The following GBE1 variants were observed in gnomAD, a reference collection of about 807,000 sequenced individuals.
GBE1 encodes 1,4-alpha-glucan-branching enzyme.
GBE1 carries 70 observed loss-of-function variants against 88.8 expected under a neutral mutation model. The observed-to-expected ratio is 0.79, with a 90% CI of 0.65 to 0.96. The LOEUF is 0.96. Among genes scored for constraint, GBE1 ranks in the 40% least tolerant of loss-of-function variants. GBE1 has a pLI of 0.00. For missense variants in GBE1, 872 were observed against 871.0 expected, an observed-to-expected ratio of 1.00 and a Z score of -0.01; for synonymous variants, 284 against 300.1, an observed-to-expected ratio of 0.95 and a Z score of 0.56.
chr3:81,663,706 G>T (rs746588723), intron 3 of GBE1, among the ~76,000 whole-genome samples: 1 of 152,114 alleles, frequency 6.6e-6, no homozygotes, highest in African/African-American at 2.4e-5. Flanking sequence ...AAAAGCACAC[G>T]GTAGCACACG....
At chr3:81,621,656 A>G (rs768558762) in intron 7 of GBE1, among the ~76,000 whole-genome samples, 2 of 152,144 alleles carry the variant, frequency 1.3e-5, no homozygotes, top group African/African-American at 2.4e-5. Context: ...TAGAATTCTC[A>G]CGGTCTATTA....
intron 1 of GBE1, among the ~76,000 whole-genome samples, chr3:81,741,972 T>A (rs545261305): frequency 6.6e-6 from 1 of 151,422 alleles, no homozygotes; most frequent in Non-Finnish European, 1.5e-5. Flanking sequence ...TATAAAAAGA[T>A]ATTTCAAAAC....
intron 12 of GBE1, among the ~76,000 whole-genome samples, chr3:81,556,180 T>C (rs1057266712): frequency 6.6e-6 from 1 of 152,136 alleles, no homozygotes; most frequent in African/African-American, 2.4e-5. Flanking sequence ...AGAAGGAGAC[T>C]TAAAATAAAA....
intron 15 of GBE1, among the ~76,000 whole-genome samples, chr3:81,491,812 T>C (rs536916998): frequency 4.1e-4 from 63 of 152,322 alleles, no homozygotes; most frequent in African/African-American, 1.4e-3. Context: ...AATAGAACAG[T>C]TGATTTTCAC....
chr3:81,757,516 G>A (rs942205558), intron 1 of GBE1, among the ~76,000 whole-genome samples: 1 of 152,168 alleles, frequency 6.6e-6, no homozygotes, highest in African/African-American at 2.4e-5. Context: ...AGAGATGCTA[G>A]CAACCTGAAC....
intron 1 of GBE1, among the ~76,000 whole-genome samples, chr3:81,713,552 T>C (rs1705900870): frequency 1.3e-5 from 2 of 152,200 alleles, no homozygotes; most frequent in Non-Finnish European, 2.9e-5. Flanking sequence ...GCAGAGTCCA[T>C]AAATTAATAA....
intron 1 of GBE1, among the ~76,000 whole-genome samples, chr3:81,713,453 T>C (rs889762154): frequency 1.3e-5 from 2 of 152,150 alleles, no homozygotes; most frequent in African/African-American, 2.4e-5. Flanking sequence ...GAATAAAACA[T>C]AAAATCCTTA....
At chr3:81,756,075 T>C (rs899581789) in intron 1 of GBE1, among the ~76,000 whole-genome samples, 3 of 152,156 alleles carry the variant, frequency 2.0e-5, no homozygotes, top group East Asian at 3.8e-4. Flanking sequence ...ACTTAACATA[T>C]AATATTTATC....
At chr3:81,743,539 C>T in intron 1 of GBE1, 2 of 1,511,930 alleles carry the variant, frequency 1.3e-6, no homozygotes, top group Non-Finnish European at 1.8e-6. Flanking sequence ...AAAAATAATG[C>T]AAGTCATAAT....
intron 7 of GBE1, among the ~76,000 whole-genome samples, chr3:81,609,893 C>A (rs1704156717): frequency 6.6e-6 from 1 of 152,128 alleles, no homozygotes; most frequent in Non-Finnish European, 1.5e-5. Flanking sequence ...ATTTGGCACT[C>A]AGACTTGTTA....
intron 1 of GBE1, among the ~76,000 whole-genome samples, chr3:81,739,668 C>T (rs9861947): frequency 0.017 from 2,518 of 152,190 alleles, 73 homozygotes; most frequent in African/African-American, 0.057. Context: ...AATGTGGTCA[C>T]GGATTCTCTA....
At chr3:81,655,521 T>C (rs1468655404) in intron 3 of GBE1, among the ~76,000 whole-genome samples, 1 of 152,068 alleles carries the variant, frequency 6.6e-6, no homozygotes, top group Admixed American at 6.6e-5. Flanking sequence ...TTATTGTTGT[T>C]GTTGTTGTTG....
chr3:81,655,059 T>C (rs896174795), intron 3 of GBE1: 1 of 152,178 alleles, frequency 6.6e-6, no homozygotes, highest in African/African-American at 2.4e-5. Flanking sequence ...GCAGTACCTA[T>C]TTATCAAATA....
Position 81,539,263 on chromosome 3 carries a change from C to A in GBE1, c.1619-2168G>T, listed in dbSNP as rs78844504. ...GAAATACAGGGCTAAGAATGACCAA[C>A]TTCTCATACCTGGACAGAGATTCCA... On this transcript the variant is annotated intron_variant, in intron 12 of 15. Transcript: ENST00000429644. 3.4e-3 allele frequency among the ~76,000 whole-genome samples: 524 copies of A among 152,088 alleles called. 2 individuals are homozygous for A. The highest frequency in any genetic ancestry group is 0.012 in the African/African-American group (495 of 41,542).
intron 9 of GBE1, among the ~76,000 whole-genome samples, chr3:81,588,263 T>C (rs911551964): frequency 6.6e-6 from 1 of 152,158 alleles, no homozygotes; most frequent in African/African-American, 2.4e-5. Flanking sequence ...GCCATTTCAA[T>C]CATTCTATTT....
chr3:81,511,385 C>T lies in GBE1; in HGVS notation c.1935-12158G>A, dbSNP rs150167339. ...AGAAACAATCAACAGAGTAAACAGA[C>T]AACATACAGAATGGGAGAAAATATT... On this transcript the variant is annotated intron_variant, in intron 14 of 15. Coordinates refer to ENST00000429644, the MANE Select transcript of GBE1 (RefSeq NM_000158.4). Among the ~76,000 whole-genome samples the T allele has an allele frequency of 3.5e-3, 538 of 152,088 alleles. 4 individuals are homozygous for T. The highest frequency in any genetic ancestry group is 0.012 in the African/African-American group (506 of 41,512).
At chr3:81,522,812 G>T (rs1377980093) in intron 14 of GBE1, among the ~76,000 whole-genome samples, 1 of 151,508 alleles carries the variant, frequency 6.6e-6, no homozygotes, top group Non-Finnish European at 1.5e-5. Flanking sequence ...TTTCTTCATG[G>T]TTCTCTTGGA....
intron 2 of GBE1, among the ~76,000 whole-genome samples, chr3:81,689,982 CTG>C (rs1705496687): frequency 6.6e-6 from 1 of 152,106 alleles, no homozygotes. Context: ...TTCAAATTGT[CTG>C]TGAGCCTAAT....
intron 14 of GBE1, among the ~76,000 whole-genome samples, chr3:81,501,313 G>A (rs1315804134): frequency 2.0e-5 from 3 of 152,116 alleles, no homozygotes; most frequent in Non-Finnish European, 4.4e-5. Flanking sequence ...GGTCTGTTTC[G>A]GCATGGCTTC....
Sources: allele counts gnomAD v4.1 joint callset (sites outside exome capture counted in the v4.1 genomes callset), GRCh38; gene constraint gnomAD v4.1.1; transcripts MANE v1.5; gene names NCBI Gene and HGNC (gene_info 2026-07-23, HGNC 2026-07-21).